Variants in XPO1 observed in about 807,000 individuals in gnomAD.
XPO1 encodes exportin-1.
Under a neutral mutation model 133.3 loss-of-function variants are expected in XPO1, and 5 were observed. The observed-to-expected ratio is 0.04, with a 90% CI of 0.02 to 0.08. XPO1 has a LOEUF of 0.08. Among genes scored for constraint, XPO1 ranks in the 10% least tolerant of loss-of-function variants. The pLI, the probability that XPO1 is intolerant of heterozygous loss-of-function variation, is 1.00. For synonymous variants in XPO1, 419 were observed against 408.2 expected (o/e 1.03, Z -0.32); for missense variants, 506 against 1,267.5 (o/e 0.40, Z 9.12).
intron 3 of XPO1, chr2:61,525,701 A>T: frequency 7.8e-5 from 80 of 1,026,722 alleles, no homozygotes; most frequent in Non-Finnish European, 9.4e-5. Context: ...TTGACCTAAA[A>T]TTTACAAGAT....
intron 4 of XPO1, among the ~76,000 whole-genome samples, chr2:61,521,644 A>G (rs1698694205): frequency 6.6e-6 from 1 of 152,206 alleles, no homozygotes; most frequent in Non-Finnish European, 1.5e-5. Flanking sequence ...TCATTTCAGA[A>G]GCCAACCTCT....
intron 6 of XPO1, among the ~76,000 whole-genome samples, chr2:61,501,538 A>C (rs575968534): frequency 5.9e-5 from 9 of 152,194 alleles, no homozygotes; most frequent in Non-Finnish European, 8.8e-5. Flanking sequence ...CCTGGCCAAC[A>C]TGGTGAAACC....
At position 61,492,646 on chromosome 2, in the gene XPO1, G is replaced by A; in HGVS notation, c.1487C>T (p.Thr496Ile). 6.2e-7 allele frequency: 1 copy of A among 1,613,868 alleles called. No individual in the cohort carries two copies. Among genetic ancestry groups the A allele is most frequent in the Non-Finnish European group, 8.5e-7 (1 of 1,179,964 alleles). ...AATGGAGCCTATTGCCCAACACAATGTATTCAAATTTTTCCATGACCACTC... is the reference window on the plus strand; with the variant it reads ...AATGGAGCCTATTGCCCAACACAATATATTCAAATTTTTCCATGACCACTC... ...GTEWSWKNLN[T>I]LCWAIGSISG... Residue 496 changes from threonine (T) to isoleucine (I), a missense_variant, in exon 14 of 25, where the codon ACA becomes ATA. By Grantham distance (89) the Thr-to-Ile change is moderately conservative. This residue lies in a region of XPO1 where 21 missense variants were observed against 198.1 expected (regional missense o/e 0.11). Transcript: ENST00000401558. This position sits in a 1 kb window ranked among gnomAD's most constrained non-coding sequence, Gnocchi z 5.6.
chr2:61,512,951 G>C (rs1486422423), intron 4 of XPO1, among the ~76,000 whole-genome samples: 1 of 152,164 alleles, frequency 6.6e-6, no homozygotes, highest in South Asian at 2.1e-4. Context: ...AGTGAGCCAA[G>C]ATCGCGCCAC....
Position 61,478,709 on chromosome 2 carries a change from C to T in XPO1, c.*111G>A. On this transcript the variant is annotated 3_prime_UTR_variant, in exon 25 of 25. Transcript: ENST00000401558. ...AAAAAACACATAAGAAAAAGGGCCA[C>T]TAGGTGACATTTTAATTTACAAATT... 1 of 1,121,232 alleles carries T rather than the reference C, an allele frequency of 8.9e-7. No homozygotes were observed. Among genetic ancestry groups the T allele is most frequent in the Non-Finnish European group, 1.2e-6 (1 of 813,036 alleles). The allele number at this position is 1,121,232 out of a possible 1,614,324, so 69.5% of individuals were successfully genotyped here.
At chr2:61,530,239 T>C (rs1327703800) in intron 2 of XPO1, among the ~76,000 whole-genome samples, 3 of 152,336 alleles carry the variant, frequency 2.0e-5, no homozygotes, top group Admixed American at 6.5e-5. Flanking sequence ...CTATCACCAC[T>C]CACATCAATC....
At chr2:61,486,067 G>GA in intron 19 of XPO1, 105 bp from the exon 20 acceptor site, 1 of 935,148 alleles carries the variant, frequency 1.1e-6, no homozygotes, top group South Asian at 2.0e-5. Context: ...ATCATCTACT[G>GA]AAAACAGGAA....
At chr2:61,495,302 C>G (rs1697192785) in intron 11 of XPO1, among the ~76,000 whole-genome samples, 153 bp downstream of exon 11, 1 of 151,982 alleles carries the variant, frequency 6.6e-6, no homozygotes, top group Admixed American at 6.6e-5. Context: ...GGGCTTATAA[C>G]TGTAATTCAG....
intron 19 of XPO1, among the ~76,000 whole-genome samples, chr2:61,486,742 G>A (rs1222131447): frequency 6.6e-6 from 1 of 152,098 alleles, no homozygotes; most frequent in African/African-American, 2.4e-5. Context: ...ATGCTAACTG[G>A]TGAGTATTTT....
At chr2:61,534,738 A>G (rs1252701461) in intron 1 of XPO1, 1 of 152,234 alleles carries the variant, frequency 6.6e-6, no homozygotes, top group Non-Finnish European at 1.5e-5. Context: ...GATATACAGT[A>G]ATTCCTATTG....
intron 23 of XPO1, among the ~76,000 whole-genome samples, chr2:61,481,672 T>A (rs1054991404): frequency 2.0e-5 from 3 of 151,972 alleles, no homozygotes; most frequent in African/African-American, 7.2e-5. Context: ...CTCAAACTCC[T>A]GACCTCAGGT....
At chr2:61,536,243 G>A (rs1430506560) in intron 1 of XPO1, 1 of 152,164 alleles carries the variant, frequency 6.6e-6, no homozygotes, top group Non-Finnish European at 1.5e-5. Flanking sequence ...GCGGCTTTGT[G>A]GTCAATGCCA....
chr2:61,533,911 T>C lies in XPO1; in HGVS notation c.-6-8A>G, dbSNP rs767883237. 2.3e-5 allele frequency: 35 copies of C among 1,511,308 alleles called. No homozygotes were observed. The highest frequency in any genetic ancestry group is 3.1e-5 in the Non-Finnish European group (35 of 1,130,640). The allele number at this position is 1,511,308 out of a possible 1,614,324, so 93.6% of individuals were successfully genotyped here. ...AATTGCTGGCATAGATTACTGAAAATAAAGAAAAAAAATTGAAGCTGCCTA... is the reference window on the plus strand; with the variant it reads ...AATTGCTGGCATAGATTACTGAAAACAAAGAAAAAAAATTGAAGCTGCCTA... On this transcript the variant is annotated splice_polypyrimidine_tract_variant and splice_region_variant and intron_variant, in intron 1 of 24. Transcript: ENST00000401558.
At chr2:61,522,275 T>C (rs542482987) in intron 4 of XPO1, among the ~76,000 whole-genome samples, 24 of 152,140 alleles carry the variant, frequency 1.6e-4, no homozygotes, top group Non-Finnish European at 2.9e-4. Flanking sequence ...TAGGCTGGTA[T>C]AGAACTCCCA....
chr2:61,525,627 CA>C (rs1698878747), intron 3 of XPO1: 3 of 1,021,356 alleles, frequency 2.9e-6, no homozygotes, highest in Non-Finnish European at 3.5e-6. Context: ...ACCAGGCAAG[CA>C]AACAGGCAAA....
At chr2:61,527,114 C>T (rs1698938246) in intron 2 of XPO1, among the ~76,000 whole-genome samples, 1 of 152,030 alleles carries the variant, frequency 6.6e-6, no homozygotes, top group South Asian at 2.1e-4. Context: ...TGCATTTCAA[C>T]CAAAGATCTA....
intron 3 of XPO1, among the ~76,000 whole-genome samples, chr2:61,524,482 G>C (rs1034029765): frequency 1.3e-5 from 2 of 152,138 alleles, no homozygotes; most frequent in Non-Finnish European, 2.9e-5. Context: ...TCTGCCAAGG[G>C]GGTTGAAGCA....
At chr2:61,504,458 C>T (rs13419865) in intron 4 of XPO1, among the ~76,000 whole-genome samples, 1,680 of 152,300 alleles carry the variant, frequency 0.011, 36 homozygotes, top group African/African-American at 0.038. Context: ...TTTCCTACTA[C>T]GTAAAATTAA....
chr2:61,501,953 TA>T, intron 6 of XPO1, 42 bp downstream of exon 6: 2 of 1,495,076 alleles, frequency 1.3e-6, no homozygotes, highest in Non-Finnish European at 1.8e-6. Flanking sequence ...GTTCAAATAA[TA>T]AGCATAATTC....
Sources: gnomAD v4.1 joint callset for allele counts (sites outside exome capture counted in the v4.1 genomes callset) on GRCh38, gnomAD v4.1.1 for gene constraint, gnomAD v4.1.1 regional missense constraint, Gnocchi (gnomAD v3.1) non-coding constraint, MANE v1.5 for transcripts, NCBI Gene and HGNC (gene_info 2026-07-23, HGNC 2026-07-21) for gene names.